Variants in NCOA4 observed in about 807,000 individuals in gnomAD.
The protein encoded by NCOA4 is 70 kDa AR-activator.
In NCOA4, 31 loss-of-function variants were observed where a neutral mutation model predicts 69.5. That is an observed-to-expected ratio of 0.45 (90% CI 0.34 to 0.60). NCOA4 has a LOEUF of 0.60. Ranked by LOEUF, NCOA4 falls within the 20% of genes least tolerant of loss-of-function variation. The pLI is 0.02. For missense variants in NCOA4, 600 were observed against 719.2 expected (o/e 0.83, Z 1.90); for synonymous variants, 228 against 252.4 (o/e 0.90, Z 0.92).
chr10:46,022,421 A>T (rs1554924581), intron 1 of NCOA4: 1 of 451,272 alleles, frequency 2.2e-6, no homozygotes, highest in South Asian at 1.7e-5. Flanking sequence ...GACTTTTTTC[A>T]CTTCACACGT....
In NCOA4 at chr10:46,006,169, G is replaced by T. The variant is rs191675592; in HGVS notation, c.*423C>A. On this transcript the variant is annotated 3_prime_UTR_variant, in exon 10 of 10. Transcript: ENST00000581486. ...GACCACTAACAAAAGAAAACCCACA[G>T]CAAGAGAAGCATCTGTAGGGCAATT... 2.5e-4 allele frequency: 58 copies of T among 236,062 alleles called. No homozygotes were observed. Among genetic ancestry groups the T allele is most frequent in the Admixed American group, 1.4e-3 (25 of 18,422 alleles). 14.6% of individuals were successfully genotyped at this position (236,062 alleles called of 1,614,324 possible).
At chr10:46,023,074 T>C (rs1407894600) in intron 1 of NCOA4, among the ~76,000 whole-genome samples, 1 of 152,228 alleles carries the variant, frequency 6.6e-6, no homozygotes, top group Non-Finnish European at 1.5e-5. Context: ...AAGTAGTAAC[T>C]GAAAACCGAC....
At chr10:46,027,337 T>C in intron 1 of NCOA4, 1 of 1,100,668 alleles carries the variant, frequency 9.1e-7, no homozygotes, top group Non-Finnish European at 1.3e-6. Flanking sequence ...AAGTTAAGCA[T>C]TGCAATGTTA....
In NCOA4 at chr10:46,016,671, A is replaced by T. The variant is rs1554923341; in HGVS notation, c.10T>A (p.Phe4Ile). Residue 4 changes from phenylalanine to isoleucine, a missense_variant, in exon 2 of 10, where the codon TTC (phenylalanine) becomes ATC (isoleucine). Coordinates refer to ENST00000581486, the MANE Select transcript of NCOA4 (RefSeq NM_001145263.2). MNT[F>I]QDQSGSSSNR... is the part of the protein sequence containing the mutation. ...CTGGAGCTGCCACTCTGGTCTTGGA[A>T]GGTATTCATTCTCCTCACTGCTCCT... 6.7e-7 allele frequency: 1 copy of T among 1,503,232 alleles called. No homozygotes were observed. The highest frequency in any genetic ancestry group is 9.0e-7 in the Non-Finnish European group (1 of 1,114,208). 93.1% of individuals were successfully genotyped at this position (1,503,232 alleles called of 1,614,324 possible).
intron 1 of NCOA4, among the ~76,000 whole-genome samples, chr10:46,030,308 C>G (rs1314717583): frequency 1.3e-5 from 2 of 149,392 alleles, no homozygotes; most frequent in African/African-American, 4.9e-5. Context: ...AAGGCGAGAA[C>G]GTAGGCCCGG....
Position 46,006,514 on chromosome 10 carries a change from A to G in NCOA4, c.*78T>C. 6.4e-7 allele frequency: 1 copy of G among 1,557,946 alleles called. No individual in the cohort carries two copies. The highest frequency in any genetic ancestry group is 1.1e-5 in the South Asian group (1 of 89,832). Reference sequence around the variant, plus strand: ...TAATTGGTCAGACCCAGAAACACAAAGATTTGGCAAGCTGCAGTCACTCAG... The same window carrying G: ...TAATTGGTCAGACCCAGAAACACAAGGATTTGGCAAGCTGCAGTCACTCAG... On this transcript the variant is annotated 3_prime_UTR_variant, in exon 10 of 10. Coordinates refer to ENST00000581486, the MANE Select transcript of NCOA4 (RefSeq NM_001145263.2).
rs1839319412 is a variant in NCOA4, at chr10:46,012,873, A to T, written c.714+10T>A. ...TGTCTACTGTAGAAACAATAAAAGC[A>T]GCAACAGACCTGACTGTTCTCCAAG... On this transcript the variant is annotated intron_variant, in intron 7 of 9. Transcript: ENST00000581486. The T allele has an allele frequency of 6.2e-7, 1 of 1,613,724 alleles. No homozygotes were observed. Among genetic ancestry groups the T allele is most frequent in the Non-Finnish European group, 8.5e-7 (1 of 1,179,862 alleles).
intron 9 of NCOA4, among the ~76,000 whole-genome samples, chr10:46,007,314 T>C (rs1564917743): frequency 6.6e-6 from 1 of 152,302 alleles, no homozygotes; most frequent in East Asian, 1.9e-4. Flanking sequence ...CCAGAAGTCA[T>C]GTTTGAAGCT....
At chr10:46,027,652 CCCAA>C in intron 1 of NCOA4, 1 of 629,520 alleles carries the variant, frequency 1.6e-6, no homozygotes. Context: ...CTGAACTTAA[CCCAA>C]TGCATACATA....
intron 1 of NCOA4, chr10:46,027,409 A>C: frequency 1.9e-6 from 3 of 1,550,518 alleles, no homozygotes; most frequent in Middle Eastern, 1.7e-4. Context: ...ACTGACATGC[A>C]TGGAGATAGT....
intron 1 of NCOA4, among the ~76,000 whole-genome samples, chr10:46,028,944 G>C (rs781963915): frequency 6.6e-6 from 1 of 151,794 alleles, no homozygotes; most frequent in Non-Finnish European, 1.5e-5. Context: ...ACTCTCAACC[G>C]GGGGAGGGAT....
intron 1 of NCOA4, chr10:46,022,444 C>T (rs782144155): frequency 7.5e-5 from 34 of 454,398 alleles, no homozygotes; most frequent in Admixed American, 1.8e-4. Flanking sequence ...TTTCTTCCGT[C>T]TTTTTTTTAA....
At chr10:46,007,581 CTTTTTTTTTTTTTT>C (rs71026287) in intron 9 of NCOA4, among the ~76,000 whole-genome samples, 1 of 85,476 alleles carries the variant, frequency 1.2e-5, no homozygotes, top group African/African-American at 4.9e-5. Context: ...GCCAGTGACT[CTTTTTTTTTTTTTT>C]TTTTTTTTTT....
chr10:46,007,731 T>C (rs1430994897), intron 9 of NCOA4, among the ~76,000 whole-genome samples: 3 of 151,816 alleles, frequency 2.0e-5, no homozygotes, highest in African/African-American at 7.3e-5. Flanking sequence ...GCTGGGACTA[T>C]AGCACGCTCC....
In NCOA4 at chr10:46,012,871, G is replaced by A. The variant is rs1200855520; in HGVS notation, c.714+12C>T. The A allele has an allele frequency of 6.2e-7, 1 of 1,613,262 alleles. No individual in the cohort carries two copies. Among genetic ancestry groups the A allele is most frequent in the Non-Finnish European group, 8.5e-7 (1 of 1,179,666 alleles). On this transcript the variant is annotated intron_variant, in intron 7 of 9. Transcript: ENST00000581486. ...TGTGTCTACTGTAGAAACAATAAAAGCAGCAACAGACCTGACTGTTCTCCA... is the reference window on the plus strand; with the variant it reads ...TGTGTCTACTGTAGAAACAATAAAAACAGCAACAGACCTGACTGTTCTCCA...
In NCOA4 at chr10:46,016,563, G is replaced by C. The variant is rs201560897; in HGVS notation, c.118C>G (p.Gln40Glu). ...ACCTCTCGCAAGTTATCTTTAATTT[G>C]CTGTTCAGCCCGGAGAACTCCACCA... ...AIGGVLRAEQ[Q>E]IKDNLREVKA... is the part of the protein sequence containing the mutation. The change falls in exon 2 of 10, where the codon CAA becomes GAA. Residue 40 changes from glutamine (Q) to glutamate (E), a missense_variant. Coordinates refer to ENST00000581486, the MANE Select transcript of NCOA4 (RefSeq NM_001145263.2). The C allele has an allele frequency of 2.0e-6, 3 of 1,528,402 alleles. No individual in the cohort carries two copies. 94.7% of individuals were successfully genotyped at this position (1,528,402 alleles called of 1,614,324 possible). A position where few individuals can be genotyped will look rare whatever the true frequency, so the allele number is the denominator to read the frequency against.
rs1476859410 is a variant in NCOA4, at chr10:46,005,189, G to C, written c.*1403C>G. 3 of 205,874 alleles carry C rather than the reference G, an allele frequency of 1.5e-5. No individual in the cohort carries two copies. Among genetic ancestry groups the C allele is most frequent in the Non-Finnish European group, 3.0e-5 (3 of 100,626 alleles). The allele number at this position is 205,874 out of a possible 1,614,324, so 12.8% of individuals were successfully genotyped here. A position where few individuals can be genotyped will look rare whatever the true frequency, so the allele number is the denominator to read the frequency against. ...TAGTGATTAATGTAAATTATATTTT[G>C]ACTTGTAAAATACAGTGTGTTTGGC... On this transcript the variant is annotated 3_prime_UTR_variant, in exon 10 of 10. Coordinates refer to ENST00000581486, the MANE Select transcript of NCOA4 (RefSeq NM_001145263.2).
chr10:46,009,250 C>T (rs782756606), intron 9 of NCOA4, 161 bp downstream of exon 9: 1 of 1,511,346 alleles, frequency 6.6e-7, no homozygotes, highest in Non-Finnish European at 9.0e-7. Context: ...TAAAATACAT[C>T]AACTTTTTAT....
chr10:46,012,774 T>C, intron 7 of NCOA4, 109 bp downstream of exon 7: 2 of 1,109,980 alleles, frequency 1.8e-6, no homozygotes, highest in Admixed American at 3.3e-5. Context: ...AATAAATATG[T>C]TTCCAGACTG....
Sources: allele counts gnomAD v4.1 joint callset (sites outside exome capture counted in the v4.1 genomes callset), GRCh38; gene constraint gnomAD v4.1.1; transcripts MANE v1.5; gene names NCBI Gene and HGNC (gene_info 2026-07-23, HGNC 2026-07-21).